The following ARHGAP6 variants were observed in gnomAD, a reference collection of about 807,000 sequenced individuals.
ARHGAP6 encodes rho GTPase-activating protein 6.
A neutral mutation model predicts 55.7 loss-of-function variants in ARHGAP6; 16 were observed. The observed-to-expected ratio is 0.29, with a 90% CI of 0.19 to 0.44. The LOEUF (loss-of-function observed/expected upper bound fraction) is 0.44, where lower values mean the gene tolerates loss of function less well. ARHGAP6 is among the 20% of genes least tolerant of loss of function. The pLI, the probability that ARHGAP6 is intolerant of heterozygous loss-of-function variation, is 1.00. For synonymous variants in ARHGAP6, 382 were observed against 360.9 expected (o/e 1.06, Z -0.66); for missense variants, 698 against 808.9 (o/e 0.86, Z 1.66).
At chrX:11,392,909 G>T (rs1603170121) in intron 1 of ARHGAP6, among the ~76,000 whole-genome samples, 1 of 111,557 alleles carries the variant, frequency 9.0e-6, no homozygotes, top group Non-Finnish European at 1.9e-5. Flanking sequence ...GAGATACAAG[G>T]CAAGTCACGT....
intron 1 of ARHGAP6, among the ~76,000 whole-genome samples, chrX:11,497,074 C>T (rs748931189): frequency 3.6e-5 from 4 of 111,675 alleles, no homozygotes; most frequent in South Asian, 7.5e-4. Context: ...CTTTCTTCTG[C>T]TTTGGCTTCA....
intron 1 of ARHGAP6, among the ~76,000 whole-genome samples, chrX:11,362,038 C>T (rs1285747796): frequency 8.9e-6 from 1 of 111,763 alleles, no homozygotes; most frequent in Non-Finnish European, 1.9e-5. Flanking sequence ...GAAATAGGAA[C>T]ACTTTTACAC....
chrX:11,517,079 A>G (rs1431551041), intron 1 of ARHGAP6, among the ~76,000 whole-genome samples: 1 of 112,326 alleles, frequency 8.9e-6, no homozygotes, highest in Non-Finnish European at 1.9e-5. Flanking sequence ...TAACAATATG[A>G]CAAGAGGCAT....
chrX:11,652,331 A>G (rs768579193), intron 1 of ARHGAP6, among the ~76,000 whole-genome samples: 22 of 111,881 alleles, frequency 2.0e-4, no homozygotes, highest in African/African-American at 7.1e-4. Flanking sequence ...TCCAGTTGCA[A>G]TCTTCTGCAT....
intron 1 of ARHGAP6, among the ~76,000 whole-genome samples, chrX:11,628,743 TCCCTAGTACG>T (rs1246227997): frequency 8.9e-6 from 1 of 112,552 alleles, no homozygotes; most frequent in African/African-American, 3.2e-5. Context: ...CAACTCCTTT[TCCCTAGTACG>T]GAGTCTTTTC....
intron 1 of ARHGAP6, among the ~76,000 whole-genome samples, chrX:11,484,340 A>T (rs1057206569): frequency 3.7e-5 from 4 of 108,805 alleles, no homozygotes; most frequent in Non-Finnish European, 7.6e-5. Context: ...GAGAAGATTA[A>T]GTAGGAGGAG....
chrX:11,356,803 C>T (rs2048935842), intron 1 of ARHGAP6, among the ~76,000 whole-genome samples: 1 of 111,375 alleles, frequency 9.0e-6, no homozygotes, highest in Non-Finnish European at 1.9e-5. Flanking sequence ...TAATATCTAA[C>T]AAAACTTTCT....
intron 2 of ARHGAP6, among the ~76,000 whole-genome samples, chrX:11,229,743 C>T (rs1255671262): frequency 3.6e-5 from 4 of 111,854 alleles, no homozygotes; most frequent in Non-Finnish European, 7.5e-5. Flanking sequence ...TTGTTCAGAA[C>T]ACAATACCCT....
chrX:11,247,165 G>A (rs2147471168), intron 2 of ARHGAP6, among the ~76,000 whole-genome samples: 1 of 111,398 alleles, frequency 9.0e-6, no homozygotes, highest in East Asian at 2.8e-4. Context: ...CAATTTTGAG[G>A]CATTGGGGTA....
chrX:11,483,823 C>T (rs1442116109), intron 1 of ARHGAP6, among the ~76,000 whole-genome samples: 2 of 110,980 alleles, frequency 1.8e-5, no homozygotes, highest in Non-Finnish European at 3.8e-5. Flanking sequence ...GGATGGATGT[C>T]TCTGTTGGAT....
intron 9 of ARHGAP6, chrX:11,169,203 T>C: frequency 4.8e-6 from 1 of 207,567 alleles, no homozygotes; most frequent in Non-Finnish European, 8.7e-6. Context: ...TAAAGAAGGG[T>C]TTTATTAATG....
At chrX:11,255,631 G>A (rs1403359806) in intron 1 of ARHGAP6, among the ~76,000 whole-genome samples, 1 of 111,040 alleles carries the variant, frequency 9.0e-6, no homozygotes, top group Non-Finnish European at 1.9e-5. Context: ...AACCACTGAG[G>A]TTCTATTTGT....
chrX:11,640,520 C>T (rs141933532), intron 1 of ARHGAP6, among the ~76,000 whole-genome samples: 1,840 of 111,785 alleles, frequency 0.016, 33 homozygotes, highest in African/African-American at 0.056. Context: ...AATTATGTGA[C>T]GGGGCAAACA....
intron 1 of ARHGAP6, among the ~76,000 whole-genome samples, chrX:11,344,446 G>A (rs1259599564): frequency 9.1e-6 from 1 of 109,724 alleles, no homozygotes; most frequent in Admixed American, 9.7e-5. Flanking sequence ...GCCGAGGTGG[G>A]TAGATCACCT....
intron 1 of ARHGAP6, among the ~76,000 whole-genome samples, chrX:11,329,404 A>G (rs1441446611): frequency 8.9e-6 from 1 of 112,308 alleles, no homozygotes; most frequent in Non-Finnish European, 1.9e-5. Flanking sequence ...ATAAATTAGA[A>G]AACGTCAAGC....
chrX:11,297,791 T>G (rs759616644), intron 1 of ARHGAP6, among the ~76,000 whole-genome samples: 2 of 112,402 alleles, frequency 1.8e-5, no homozygotes, highest in Non-Finnish European at 3.8e-5. Context: ...CACCTCTCTT[T>G]TTCCCATTGT....
intron 1 of ARHGAP6, among the ~76,000 whole-genome samples, chrX:11,550,846 G>A (rs6654941): frequency 0.015 from 1,686 of 111,909 alleles, 29 homozygotes; most frequent in African/African-American, 0.052. Context: ...TCTCCACTTT[G>A]TGGATAAACT....
chrX:11,370,703 G>A (rs1184399773), intron 1 of ARHGAP6, among the ~76,000 whole-genome samples: 1 of 111,491 alleles, frequency 9.0e-6, no homozygotes. Flanking sequence ...CTTATTCATT[G>A]TACACTTGCT....
At chrX:11,222,908 G>A (rs1331106937) in intron 2 of ARHGAP6, among the ~76,000 whole-genome samples, 2 of 111,617 alleles carry the variant, frequency 1.8e-5, no homozygotes, top group African/African-American at 6.5e-5. Flanking sequence ...TTAATTATTT[G>A]CTTTTTTTCA....
Sources: gnomAD v4.1 joint callset for allele counts (sites outside exome capture counted in the v4.1 genomes callset) on GRCh38, gnomAD v4.1.1 for gene constraint, MANE v1.5 for transcripts, NCBI Gene and HGNC (gene_info 2026-07-23, HGNC 2026-07-21) for gene names.